ROBO1: variants seen among roughly 807,000 people sequenced by gnomAD.
The protein encoded by ROBO1 is roundabout guidance receptor 1, also known as roundabout homolog 1.
A neutral mutation model predicts 195.9 loss-of-function variants in ROBO1; 149 were observed. The ratio of observed to expected loss-of-function variants is 0.76; its 90% CI spans 0.67 to 0.87. The LOEUF (loss-of-function observed/expected upper bound fraction) is 0.87. ROBO1 is among the 40% of genes least tolerant of loss of function. ROBO1 has a pLI of 0.00. For missense variants in ROBO1, 1,933 were observed against 2,068.3 expected (o/e 0.93, Z 1.27); for synonymous variants, 816 against 733.2 (o/e 1.11, Z -1.82).
rs572151359 is a variant in ROBO1 at position 79,554,934 on chromosome 3, G to A, written c.88+34890C>T. Among the ~76,000 whole-genome samples, 30 of 152,134 alleles carry A rather than the reference G, an allele frequency of 2.0e-4. No homozygotes were observed. The South Asian group carries it at 6.0e-3, about 31-fold the overall frequency. Reference sequence around the variant, plus strand: ...TCTGGCGTGTAGAAGATAAATATTTGTTGAAAATGTCTAAGAGCTTAGCCT... The same window carrying A: ...TCTGGCGTGTAGAAGATAAATATTTATTGAAAATGTCTAAGAGCTTAGCCT... On this transcript the variant is annotated intron_variant, in intron 2 of 30. Coordinates refer to ENST00000464233, the MANE Select transcript of ROBO1 (RefSeq NM_002941.4).
In ROBO1 at chr3:79,039,801, C is replaced by CAAAAAAAAAAAAAAAA. The variant is rs1214691931; in HGVS notation, c.172+85639_172+85654dup. 4.5e-4 allele frequency among the ~76,000 whole-genome samples: 23 copies of CAAAAAAAAAAAAAAAA among 51,316 alleles called. 4 individuals carry two copies. Among genetic ancestry groups the CAAAAAAAAAAAAAAAA allele is most frequent in the African/African-American group, 1.4e-3 (16 of 11,754 alleles). The allele number at this position is 51,316 out of a possible 152,430, so 33.7% of individuals were successfully genotyped here. Reference sequence around the variant, plus strand: ...TGGGCTACAAAGCAAGACTCCGTCTCAAAAAAAAAAAAAAAAAAAGTTATG... The same window carrying CAAAAAAAAAAAAAAAA: ...TGGGCTACAAAGCAAGACTCCGTCTCAAAAAAAAAAAAAAAAAAAAAAAAAAAAAAAAAAAGTTATG... On this transcript the variant is annotated intron_variant, in intron 3 of 30. Transcript: ENST00000464233.
intron 2 of ROBO1, among the ~76,000 whole-genome samples, chr3:79,362,755 A>T (rs914294100): frequency 6.6e-6 from 1 of 152,136 alleles, no homozygotes; most frequent in African/African-American, 2.4e-5. Context: ...CAGGGAAAAA[A>T]TCTAGGCAAA....
intron 2 of ROBO1, among the ~76,000 whole-genome samples, chr3:79,452,656 T>C (rs2039482341): frequency 1.3e-5 from 2 of 152,158 alleles, no homozygotes; most frequent in Admixed American, 1.3e-4. Flanking sequence ...CTTAGTTTAA[T>C]ATTTCTAAAA....
At chr3:78,773,230 G>A (rs2083422483) in intron 4 of ROBO1, among the ~76,000 whole-genome samples, 1 of 151,662 alleles carries the variant, frequency 6.6e-6, no homozygotes, top group Non-Finnish European at 1.5e-5. Context: ...GAGATATACA[G>A]GTACAAAAAA....
At chr3:79,696,864 C>T (rs2107127625) in intron 1 of ROBO1, among the ~76,000 whole-genome samples, 1 of 151,510 alleles carries the variant, frequency 6.6e-6, no homozygotes, top group African/African-American at 2.4e-5. Context: ...AATGTATTGA[C>T]TGGGAAGTTG....
chr3:79,018,295 T>A lies in ROBO1; in HGVS notation c.173-79368A>T, dbSNP rs1393629110. ...AAAAGTCTAGCAGGAATCGAGCCCC[T>A]CCGGCCTTAGGAGGGAGGGGTAACC... On this transcript the variant is annotated intron_variant, in intron 3 of 30. Coordinates refer to ENST00000464233, the MANE Select transcript of ROBO1 (RefSeq NM_002941.4). 2.4e-6 allele frequency: 3 copies of A among 1,239,876 alleles called. No individual in the cohort carries two copies. The Admixed American group carries it at 5.8e-5, about 24-fold the overall frequency. The allele number at this position is 1,239,876 out of a possible 1,614,324, so 76.8% of individuals were successfully genotyped here. A position where few individuals can be genotyped will look rare whatever the true frequency, so the allele number is the denominator to read the frequency against.
At chr3:79,459,800 T>C (rs1430733337) in intron 2 of ROBO1, among the ~76,000 whole-genome samples, 1 of 152,112 alleles carries the variant, frequency 6.6e-6, no homozygotes, top group African/African-American at 2.4e-5. Flanking sequence ...CAAGGTATTA[T>C]TATGAATAAA....
At chr3:78,600,484 A>T (rs1703108785) in intron 29 of ROBO1, among the ~76,000 whole-genome samples, 175 bp from the exon 30 acceptor site, 1 of 152,208 alleles carries the variant, frequency 6.6e-6, no homozygotes, top group Non-Finnish European at 1.5e-5. Flanking sequence ...GAAAATGAAA[A>T]GTATAAGCCT....
chr3:79,599,046 C>A (rs981607394), intron 1 of ROBO1, among the ~76,000 whole-genome samples: 2 of 152,064 alleles, frequency 1.3e-5, no homozygotes, highest in East Asian at 3.9e-4. Flanking sequence ...TGCTGGTACT[C>A]AGGGCTGGGA....
At chr3:78,938,499 G>A (rs2039941979) in intron 4 of ROBO1, 102 bp downstream of exon 4, 3 of 938,424 alleles carry the variant, frequency 3.2e-6, no homozygotes, top group Non-Finnish European at 3.1e-6. Context: ...TTATCCTCAG[G>A]TAAGGCCTGA....
At chr3:79,758,223 C>G (rs186302251) in intron 1 of ROBO1, among the ~76,000 whole-genome samples, 1 of 152,132 alleles carries the variant, frequency 6.6e-6, no homozygotes, top group Non-Finnish European at 1.5e-5. Flanking sequence ...TGATGGAAAC[C>G]GTCTGTATCT....
At chr3:78,707,546 T>C (rs758064323) in intron 8 of ROBO1, among the ~76,000 whole-genome samples, 1 of 152,236 alleles carries the variant, frequency 6.6e-6, no homozygotes, top group African/African-American at 2.4e-5. Context: ...CATGATACTG[T>C]ATTTTATAGT....
chr3:79,470,757 G>GA (rs1458932610), intron 2 of ROBO1, among the ~76,000 whole-genome samples: 2 of 152,084 alleles, frequency 1.3e-5, no homozygotes, highest in African/African-American at 4.8e-5. Flanking sequence ...CTGCCACCAT[G>GA]AAAGATGTGA....
intron 4 of ROBO1, among the ~76,000 whole-genome samples, chr3:78,793,260 A>C (rs991466308): frequency 2.6e-5 from 4 of 152,196 alleles, no homozygotes; most frequent in Non-Finnish European, 4.4e-5. Context: ...GAGTTCATTA[A>C]ATCTCAAAAA....
intron 2 of ROBO1, among the ~76,000 whole-genome samples, chr3:79,585,148 G>C (rs2107802105): frequency 6.6e-6 from 1 of 151,172 alleles, no homozygotes; most frequent in Middle Eastern, 3.4e-3. Flanking sequence ...GGCCCATAAA[G>C]GCAAAATTGT....
At chr3:79,562,856 G>A (rs1202389797) in intron 2 of ROBO1, among the ~76,000 whole-genome samples, 4 of 151,844 alleles carry the variant, frequency 2.6e-5, no homozygotes, top group Admixed American at 2.6e-4. Flanking sequence ...GGTAAATTCT[G>A]CCCTCTCAAT....
chr3:79,357,642 G>T (rs1006771883), intron 2 of ROBO1, among the ~76,000 whole-genome samples: 1 of 152,120 alleles, frequency 6.6e-6, no homozygotes, highest in South Asian at 2.1e-4. Flanking sequence ...CCACAAGTCT[G>T]GTTGTAAGCT....
intron 10 of ROBO1, among the ~76,000 whole-genome samples, chr3:78,675,384 G>C (rs905858845): frequency 6.6e-5 from 10 of 152,172 alleles, no homozygotes; most frequent in South Asian, 2.1e-4. Flanking sequence ...CTCGGGAAGC[G>C]CAAGGGGTCA....
At chr3:78,638,170 AGTGT>A (rs1013273985) in intron 22 of ROBO1, among the ~76,000 whole-genome samples, 49 of 147,690 alleles carry the variant, frequency 3.3e-4, no homozygotes, top group Admixed American at 1.5e-3. Context: ...GCACACCTGC[AGTGT>A]GTGTGTGTGT....
Sources: gnomAD v4.1 joint callset for allele counts (sites outside exome capture counted in the v4.1 genomes callset) on GRCh38, gnomAD v4.1.1 for gene constraint, MANE v1.5 for transcripts, NCBI Gene and HGNC (gene_info 2026-07-23, HGNC 2026-07-21) for gene names.